TFAP2D: variants seen among roughly 807,000 people sequenced by gnomAD.
The protein encoded by TFAP2D is transcription factor AP-2-delta.
In TFAP2D, 9 loss-of-function variants were observed where a neutral mutation model predicts 43.6. That is an observed-to-expected ratio of 0.21 (90% CI 0.12 to 0.36). TFAP2D has a LOEUF of 0.36. Among genes scored for constraint, TFAP2D ranks in the 10% least tolerant of loss-of-function variants. The probability of loss-of-function intolerance (pLI) is 1.00; values close to 1 mark genes in which losing one functional copy is unlikely to be tolerated. For missense variants in TFAP2D, 513 were observed against 561.4 expected, an observed-to-expected ratio of 0.91 and a Z score of 0.87; for synonymous variants, 256 against 224.9, an observed-to-expected ratio of 1.14 and a Z score of -1.24.
At chr6:50,756,222 A>G (rs1292990382) in intron 7 of TFAP2D, among the ~76,000 whole-genome samples, 1 of 152,050 alleles carries the variant, frequency 6.6e-6, no homozygotes, top group Non-Finnish European at 1.5e-5. Context: ...CGATAGAACC[A>G]TTAGCTCAAG....
intron 5 of TFAP2D, among the ~76,000 whole-genome samples, chr6:50,733,984 GTA>G (rs1362196800): frequency 5.5e-5 from 8 of 146,480 alleles, no homozygotes; most frequent in East Asian, 2.0e-4. Context: ...CTCTTTCTGT[GTA>G]TGTGTGTGTG....
At chr6:50,750,700 A>G (rs779402942) in intron 6 of TFAP2D, among the ~76,000 whole-genome samples, 12 of 152,038 alleles carry the variant, frequency 7.9e-5, no homozygotes, top group African/African-American at 7.2e-5. Context: ...GAACTAAATT[A>G]CTGGTGATTA....
intron 5 of TFAP2D, among the ~76,000 whole-genome samples, chr6:50,735,184 G>T (rs1245710656): frequency 1.3e-5 from 2 of 152,148 alleles, no homozygotes; most frequent in African/African-American, 4.8e-5. Context: ...AGTGAGAATA[G>T]CTGTTATGCA....
intron 5 of TFAP2D, among the ~76,000 whole-genome samples, chr6:50,736,908 TTC>T (rs1768972086): frequency 6.6e-6 from 1 of 152,218 alleles, no homozygotes. Flanking sequence ...TGTCTTTCTT[TTC>T]TTTTTTCTAT....
At chr6:50,730,002 CT>C (rs111965492) in intron 5 of TFAP2D, among the ~76,000 whole-genome samples, 10 of 150,722 alleles carry the variant, frequency 6.6e-5, no homozygotes, top group South Asian at 2.1e-4. Flanking sequence ...TATTGAAAGG[CT>C]TTTTTTTTAA....
intron 3 of TFAP2D, among the ~76,000 whole-genome samples, chr6:50,728,374 G>A (rs1393645356): frequency 6.6e-6 from 1 of 152,170 alleles, no homozygotes; most frequent in African/African-American, 2.4e-5. Context: ...ATTGGCAGAT[G>A]GATGAGGAAA....
intron 7 of TFAP2D, among the ~76,000 whole-genome samples, chr6:50,762,090 G>A (rs1638577178): frequency 6.6e-6 from 1 of 151,966 alleles, no homozygotes; most frequent in Admixed American, 6.6e-5. Context: ...AAACCACACA[G>A]GGAAAAAGAA....
At chr6:50,729,376 C>T in intron 5 of TFAP2D, 64 bp downstream of exon 5, 2 of 1,379,108 alleles carry the variant, frequency 1.5e-6, no homozygotes, top group Non-Finnish European at 2.0e-6. Flanking sequence ...ACTCAGGTTT[C>T]TTAAATTATG....
intron 7 of TFAP2D, among the ~76,000 whole-genome samples, chr6:50,757,723 A>T (rs1364962410): frequency 8.5e-4 from 76 of 89,450 alleles, no homozygotes; most frequent in Non-Finnish European, 1.2e-3. Context: ...AATATATATA[A>T]TTATTCTATA....
intron 1 of TFAP2D, 87 bp from the exon 2 acceptor site, chr6:50,715,029 C>G (rs1256294191): frequency 6.6e-7 from 1 of 1,522,700 alleles, no homozygotes; most frequent in African/African-American, 1.4e-5. Flanking sequence ...CCAGAGAAAG[C>G]TCCTGGCTCC....
chr6:50,771,666 TTAGTGCG>T (rs1435848582), intron 7 of TFAP2D, among the ~76,000 whole-genome samples: 1 of 152,136 alleles, frequency 6.6e-6, no homozygotes, highest in Admixed American at 6.5e-5. Flanking sequence ...TTGGTAATAA[TTAGTGCG>T]TATCAATCAA....
intron 3 of TFAP2D, among the ~76,000 whole-genome samples, chr6:50,719,418 C>T (rs1768679533): frequency 6.8e-6 from 1 of 146,076 alleles, no homozygotes; most frequent in African/African-American, 2.6e-5. Flanking sequence ...AAGTTAGAGG[C>T]AGAAGGAAAG....
At chr6:50,744,565 TA>T (rs1302983157) in intron 5 of TFAP2D, among the ~76,000 whole-genome samples, 1 of 152,192 alleles carries the variant, frequency 6.6e-6, no homozygotes, top group Admixed American at 6.6e-5. Flanking sequence ...CCCCATTTCT[TA>T]AAAATTTACT....
At chr6:50,715,743 TCTCTCTCACA>T (rs1416273557) in intron 2 of TFAP2D, 130 bp downstream of exon 2, 53 of 675,810 alleles carry the variant, frequency 7.8e-5, no homozygotes, top group Middle Eastern at 4.1e-4. Flanking sequence ...TCTCTCTCTC[TCTCTCTCACA>T]CACACACACA....
chr6:50,717,740 C>G (rs1768651052), intron 2 of TFAP2D, among the ~76,000 whole-genome samples: 1 of 152,122 alleles, frequency 6.6e-6, no homozygotes, highest in South Asian at 2.1e-4. Context: ...GTTTGTAAAT[C>G]TGACAAGTTA....
intron 7 of TFAP2D, among the ~76,000 whole-genome samples, chr6:50,758,788 T>C (rs1335894098): frequency 6.6e-6 from 1 of 151,916 alleles, no homozygotes; most frequent in Non-Finnish European, 1.5e-5. Flanking sequence ...TTCTTTAGTG[T>C]GAGAAAAGAA....
chr6:50,732,801 A>T (rs1768912415), intron 5 of TFAP2D, among the ~76,000 whole-genome samples: 1 of 152,112 alleles, frequency 6.6e-6, no homozygotes, highest in Non-Finnish European at 1.5e-5. Context: ...CTGACATAAC[A>T]GGTTTCATTA....
At chr6:50,765,962 T>C (rs2113894471) in intron 7 of TFAP2D, among the ~76,000 whole-genome samples, 1 of 152,346 alleles carries the variant, frequency 6.6e-6, no homozygotes, top group African/African-American at 2.4e-5. Context: ...AAAATATTTT[T>C]CCTTCTAGGA....
chr6:50,727,422 A>G (rs1254822289), intron 3 of TFAP2D, among the ~76,000 whole-genome samples: 2 of 152,208 alleles, frequency 1.3e-5, no homozygotes, highest in Non-Finnish European at 2.9e-5. Context: ...ATAATATTCC[A>G]TATGTGCTAG....
Sources: allele counts gnomAD v4.1 joint callset (sites outside exome capture counted in the v4.1 genomes callset), GRCh38; gene constraint gnomAD v4.1.1; transcripts MANE v1.5; gene names NCBI Gene and HGNC (gene_info 2026-07-23, HGNC 2026-07-21).